Variants in ATP7B observed in about 807,000 individuals in gnomAD.
The protein encoded by ATP7B is copper-transporting ATPase 2.
ATP7B carries 113 observed loss-of-function variants against 118.9 expected under a neutral mutation model. That is an observed-to-expected ratio of 0.95 (90% CI 0.82 to 1.11). The LOEUF is 1.11. Among genes scored for constraint, ATP7B ranks in the 50% most tolerant of loss-of-function variants. ATP7B has a pLI of 0.00. For synonymous variants in ATP7B, 777 were observed against 727.4 expected, an observed-to-expected ratio of 1.07 and a Z score of -1.10; for missense variants, 1,867 against 1,871.4, an observed-to-expected ratio of 1.00 and a Z score of 0.04.
At chr13:51,960,079 A>T in intron 7 of ATP7B, 69 bp downstream of exon 7, 3 of 1,556,912 alleles carry the variant, frequency 1.9e-6, no homozygotes, top group Non-Finnish European at 2.7e-6. Context: ...GTTTGCGCTT[A>T]GCGGGCAGAA....
chr13:51,943,040 A>C (rs1957430229), intron 14 of ATP7B, among the ~76,000 whole-genome samples: 1 of 152,178 alleles, frequency 6.6e-6, no homozygotes, highest in Non-Finnish European at 1.5e-5. Context: ...ACCCTGGAGG[A>C]GGAGGGGACA....
At chr13:51,986,990 T>G (rs1486334393) in intron 1 of ATP7B, among the ~76,000 whole-genome samples, 2 of 152,118 alleles carry the variant, frequency 1.3e-5, no homozygotes, top group Admixed American at 6.5e-5. Context: ...CTGGAAGCAC[T>G]CCTTTTGAAA....
chr13:51,949,891 T>A, intron 11 of ATP7B, 95 bp from the exon 12 acceptor site: 1 of 1,609,230 alleles, frequency 6.2e-7, no homozygotes, highest in Non-Finnish European at 8.5e-7. Context: ...ATCTCCTTCA[T>A]TTAACCACAT....
At position 51,960,239 on chromosome 13, in the gene ATP7B, T is replaced by TC. The variant is rs1315583751; in HGVS notation, c.2029dup (p.Glu677GlyfsTer78). The TC allele has an allele frequency of 6.2e-7, 1 of 1,613,926 alleles. No individual in the cohort carries two copies. The highest frequency in any genetic ancestry group is 1.1e-5 in the South Asian group (1 of 91,064). On this transcript the variant is annotated frameshift_variant, in exon 7 of 21. Transcript: ENST00000242839. LOFTEE classifies it high-confidence loss of function. ...GTCCAGGACCATGGACTGGTGGGGC[T>TC]CGTTGCTGGGTATCAGCATATAGAT...
At position 51,975,506 on chromosome 13, in the gene ATP7B, G is replaced by T. The variant is rs530915669; in HGVS notation, c.52-338C>A. 9.4e-6 allele frequency: 5 copies of T among 534,342 alleles called. No homozygotes were observed. The African/African-American group carries it at 9.5e-5, about 10-fold the overall frequency. 33.1% of individuals were successfully genotyped at this position (534,342 alleles called of 1,614,324 possible). A position where few individuals can be genotyped will look rare whatever the true frequency, so the allele number is the denominator to read the frequency against. ...GGCTGGCCTGCAGCAGAGGCAGAGG[G>T]CACAGCGGCTCACGGTGGGAAGGCA... is the stretch of plus-strand genomic sequence containing the variant. On this transcript the variant is annotated intron_variant, in intron 1 of 20. Transcript: ENST00000242839.
chr13:51,972,411 C>CTCAAT (rs76377533), intron 2 of ATP7B, among the ~76,000 whole-genome samples: 80,095 of 151,240 alleles, frequency 0.53, 21,181 homozygotes, highest in Middle Eastern at 0.58. Flanking sequence ...TCTTCCCACA[C>CTCAAT]TCTGCATTTC....
chr13:51,995,043 G>T (rs1953134468), intron 1 of ATP7B, among the ~76,000 whole-genome samples: 1 of 152,162 alleles, frequency 6.6e-6, no homozygotes, highest in African/African-American at 2.4e-5. Flanking sequence ...AAAGAAGGAA[G>T]GATTCATTTT....
At chr13:51,942,663 G>T in intron 14 of ATP7B, 109 bp from the exon 15 acceptor site, 3 of 1,359,930 alleles carry the variant, frequency 2.2e-6, no homozygotes, top group Non-Finnish European at 3.1e-6. Context: ...AGAGAGCAGC[G>T]GAAAGCGGGA....
intron 1 of ATP7B, 137 bp downstream of exon 1, chr13:52,011,150 C>T: frequency 7.6e-7 from 1 of 1,318,646 alleles, no homozygotes; most frequent in Non-Finnish European, 1.1e-6. Flanking sequence ...TCTCCCACGC[C>T]AAGACATCCC....
In ATP7B at chr13:51,969,502, G is replaced by A. The variant is rs556505586; in HGVS notation, c.1544-895C>T. On this transcript the variant is annotated intron_variant, in intron 3 of 20. Transcript: ENST00000242839. ...AAAAAATAAAGAATTTTCAAAAGTG[G>A]TTTTCCTTACTCTTTTATAGTTTCT... 1.3e-4 allele frequency among the ~76,000 whole-genome samples: 20 copies of A among 151,616 alleles called. No homozygotes were observed. In the South Asian group the frequency reaches 4.2e-3, roughly 32 times the overall value.
chr13:52,005,198 C>T (rs975181694), intron 1 of ATP7B, among the ~76,000 whole-genome samples: 3 of 152,194 alleles, frequency 2.0e-5, no homozygotes, highest in Admixed American at 6.5e-5. Flanking sequence ...CCTTTTTATT[C>T]TTTATGATCT....
In ATP7B at chr13:51,965,000, T is replaced by A. The variant is rs756435919; in HGVS notation, c.1741A>T (p.Asn581Tyr). Reference protein sequence around the residue: ...TGMTCASCVHNIESKLTRTNG... With the variant: ...TGMTCASCVHYIESKLTRTNG... ...GTCCTCGTGAGTTTGGACTCTATGT[T>A]GTGGACACAGGACGCGCAGGTCATC... is the stretch of plus-strand genomic sequence containing the variant. The change falls in exon 5 of 21, where the codon AAC (asparagine) becomes TAC (tyrosine). Residue 581 changes from asparagine to tyrosine, a missense_variant. Transcript: ENST00000242839. The A allele has an allele frequency of 1.9e-6, 3 of 1,614,138 alleles. No homozygotes were observed. Among genetic ancestry groups the A allele is most frequent in the Non-Finnish European group, 8.5e-7 (1 of 1,180,028 alleles).
chr13:51,958,336 C>T lies in ATP7B; in HGVS notation c.2330G>A (p.Gly777Asp). 6.2e-7 allele frequency: 1 copy of T among 1,614,180 alleles called. No homozygotes were observed. Among genetic ancestry groups the T allele is most frequent in the South Asian group, 1.1e-5 (1 of 91,082 alleles). The change falls in exon 8 of 21, where the codon GGC becomes GAC. Residue 777 changes from glycine to aspartate, a missense_variant. Physicochemically the swap from Gly to Asp is moderately conservative, Grantham distance 94. Coordinates refer to ENST00000242839, the MANE Select transcript of ATP7B (RefSeq NM_000053.4). ...PPMLFVFIAL[G>D]RWLEHLAKSK... is the part of the protein sequence containing the mutation. The stretch of plus-strand genomic sequence containing the variant: ...CTTTGCCAAGTGTTCCAGCCACCGG[C>T]CCAGGGCAATGAACACAAAGAGCAT...
chr13:51,987,407 A>T (rs563667842), intron 1 of ATP7B, among the ~76,000 whole-genome samples: 2 of 152,202 alleles, frequency 1.3e-5, no homozygotes, highest in Non-Finnish European at 2.9e-5. Flanking sequence ...TCAAGGAAAT[A>T]AGAGAGGACA....
chr13:52,007,650 C>T (rs940804510), intron 1 of ATP7B, among the ~76,000 whole-genome samples: 3 of 152,124 alleles, frequency 2.0e-5, no homozygotes, highest in Non-Finnish European at 4.4e-5. Context: ...GGAGTTAGCA[C>T]GGACCCCACA....
rs545768632 is a variant in ATP7B at position 51,949,810 on chromosome 13, A to G, written c.2731-14T>C. 110 of 1,613,958 alleles carry G rather than the reference A, an allele frequency of 6.8e-5. No homozygotes were observed. The highest frequency in any genetic ancestry group is 9.1e-5 in the Non-Finnish European group (107 of 1,180,030). On this transcript the variant is annotated splice_polypyrimidine_tract_variant and intron_variant, in intron 11 of 20. Transcript: ENST00000242839. ...CTGAATGGGTGCCTATGAAAATAAA[A>G]CACCAAGACCATGGGAAATTACAAC...
chr13:51,964,980 C>G lies in ATP7B; in HGVS notation c.1761G>C (p.Thr587=), dbSNP rs764068870. The change falls in exon 5 of 21, where the codon ACG becomes ACC. Residue 587 remains threonine, a synonymous_variant. Coordinates refer to ENST00000242839, the MANE Select transcript of ATP7B (RefSeq NM_000053.4). The part of the protein sequence containing the change: ...SCVHNIESKL[T]RTNGITYASV... ...AGGCATAAGTGATGCCATTTGTCCTCGTGAGTTTGGACTCTATGTTGTGGA... is the reference window on the plus strand; with the variant it reads ...AGGCATAAGTGATGCCATTTGTCCTGGTGAGTTTGGACTCTATGTTGTGGA... 2 of 1,614,154 alleles carry G rather than the reference C, an allele frequency of 1.2e-6. No homozygotes were observed. The highest frequency in any genetic ancestry group is 1.7e-6 in the Non-Finnish European group (2 of 1,180,036).
rs1474837260 is a variant in ATP7B, at chr13:51,960,269, A to T, written c.2000T>A (p.Leu667Ter). The T allele has an allele frequency of 1.2e-6, 2 of 1,613,852 alleles. No homozygotes were observed. The highest frequency in any genetic ancestry group is 1.7e-6 in the Non-Finnish European group (2 of 1,179,876). ...SLVFGIPVMA[L>*]MIYMLIPSNE... ...GCTGGGTATCAGCATATAGATCATT[A>T]AGGCCATGACAGGGATGCCAAACAC... Residue 667 changes from leucine to a stop codon, truncating the protein, a stop_gained, in exon 7 of 21, where the codon TTA becomes TAA. Transcript: ENST00000242839. LOFTEE classifies it high-confidence loss of function.
At chr13:51,992,147 G>C (rs1299725655) in intron 1 of ATP7B, among the ~76,000 whole-genome samples, 1 of 147,020 alleles carries the variant, frequency 6.8e-6, no homozygotes, top group Non-Finnish European at 1.5e-5. Context: ...AAAAAAAAAA[G>C]AAATGTAAAA....
Sources: allele counts gnomAD v4.1 joint callset (sites outside exome capture counted in the v4.1 genomes callset), GRCh38; gene constraint gnomAD v4.1.1; transcripts MANE v1.5; gene names NCBI Gene and HGNC (gene_info 2026-07-23, HGNC 2026-07-21).